Variants in SRRM1 observed in about 807,000 individuals in gnomAD.
SRRM1 encodes the protein serine and arginine repetitive matrix 1.
A neutral mutation model predicts 110.2 loss-of-function variants in SRRM1; 19 were observed. The observed-to-expected ratio is 0.17, with a 90% CI of 0.12 to 0.25. SRRM1 has a LOEUF of 0.25. SRRM1 is among the 10% of genes least tolerant of loss of function. SRRM1 has a pLI of 1.00. For missense variants in SRRM1, 918 were observed against 1,145.8 expected (o/e 0.80, Z 2.87); for synonymous variants, 443 against 414.9 (o/e 1.07, Z -0.82).
chr1:24,669,032 A>G, intron 13 of SRRM1, 91 bp from the exon 14 acceptor site: 1 of 1,013,962 alleles, frequency 9.9e-7, no homozygotes. Flanking sequence ...GCCTAGTGCT[A>G]ACTACAGTAT....
At chr1:24,661,499 A>G in intron 11 of SRRM1, 103 bp downstream of exon 11, 2 of 769,692 alleles carry the variant, frequency 2.6e-6, no homozygotes, top group Non-Finnish European at 4.0e-6. Flanking sequence ...ACTTGCCTAC[A>G]TAGAAATCTG....
At chr1:24,665,181 C>G (rs1414689884) in intron 12 of SRRM1, among the ~76,000 whole-genome samples, 1 of 152,012 alleles carries the variant, frequency 6.6e-6, no homozygotes, top group East Asian at 1.9e-4. Flanking sequence ...AATCTCAGCA[C>G]TTTGGGAGGC....
In SRRM1 at chr1:24,654,735, T is replaced by C. The variant is rs1663022121; in HGVS notation, c.1041-120T>C. On this transcript the variant is annotated intron_variant, in intron 8 of 16. Transcript: ENST00000323848. ...CATTCTTTTGGACTCATTTATGTGC[T>C]TAGCTACATAAACTCAAAAGTCGGA... 4.2e-6 allele frequency: 5 copies of C among 1,196,048 alleles called. No homozygotes were observed. In the East Asian group the frequency reaches 1.2e-4, roughly 28 times the overall value. 74.1% of individuals were successfully genotyped at this position (1,196,048 alleles called of 1,614,324 possible). A position where few individuals can be genotyped will look rare whatever the true frequency, so the allele number is the denominator to read the frequency against.
intron 5 of SRRM1, among the ~76,000 whole-genome samples, chr1:24,650,397 TCTGA>T (rs763852545): frequency 1.3e-5 from 2 of 152,260 alleles, no homozygotes; most frequent in Non-Finnish European, 2.9e-5. Flanking sequence ...AAAAATGTAC[TCTGA>T]CTCACTTTTT....
chr1:24,648,747 C>A (rs901210286), intron 3 of SRRM1, 112 bp from the exon 4 acceptor site: 7 of 863,962 alleles, frequency 8.1e-6, no homozygotes, highest in Non-Finnish European at 3.6e-6. Context: ...TATGTCTAAG[C>A]CCCTATGGTA....
At chr1:24,659,402 C>T (rs918104814) in intron 9 of SRRM1, among the ~76,000 whole-genome samples, 1 of 152,132 alleles carries the variant, frequency 6.6e-6, no homozygotes, top group Admixed American at 6.5e-5. Context: ...GTCAAACATT[C>T]CATGGCAATT....
At chr1:24,663,271 G>T (rs4649011) in intron 12 of SRRM1, 1,405,308 of 1,433,388 alleles carry the variant, frequency 0.98, 688,942 homozygotes, top group East Asian at 1. Context: ...GTCAAAAATT[G>T]TAGTGACTTA....
chr1:24,670,215 C>G lies in SRRM1; in HGVS notation c.2300C>G (p.Pro767Arg). 6.2e-7 allele frequency: 1 copy of G among 1,614,164 alleles called. No homozygotes were observed. Among genetic ancestry groups the G allele is most frequent in the Non-Finnish European group, 8.5e-7 (1 of 1,180,040 alleles). ...PEPAAKKPPA[P>R]PSPVQSQSPS... ...CCAGCAGCTAAAAAGCCCCCAGCAC[C>G]TCCATCCCCCGTCCAGTCTCAGTCA... Residue 767 changes from proline (P) to arginine (R), a missense_variant, in exon 15 of 17, where the codon CCT becomes CGT. Physicochemically the swap from Pro to Arg is moderately radical, Grantham distance 103. This residue lies in a region of SRRM1 where 357 missense variants were observed against 402.9 expected (regional missense o/e 0.89). Coordinates refer to ENST00000323848, the MANE Select transcript of SRRM1 (RefSeq NM_005839.4).
intron 11 of SRRM1, among the ~76,000 whole-genome samples, 174 bp downstream of exon 11, chr1:24,661,570 C>G (rs1046906090): frequency 6.6e-6 from 1 of 152,088 alleles, no homozygotes; most frequent in East Asian, 1.9e-4. Context: ...ATTTAATTTT[C>G]TGTTACATTG....
intron 6 of SRRM1, among the ~76,000 whole-genome samples, chr1:24,652,033 T>A (rs1376303069): frequency 1.6e-3 from 161 of 98,954 alleles, no homozygotes; most frequent in African/African-American, 9.1e-3. Context: ...ACTAAAAATA[T>A]ATATATATAT....
chr1:24,665,376 C>T (rs984710986), intron 12 of SRRM1, among the ~76,000 whole-genome samples: 1 of 151,412 alleles, frequency 6.6e-6, no homozygotes, highest in African/African-American at 2.4e-5. Context: ...TTGCAGTGAG[C>T]CGATATCGTG....
At position 24,646,785 on chromosome 1, in the gene SRRM1, T is replaced by C. The variant is rs1657903480; in HGVS notation, c.230T>C (p.Val77Ala). 1 of 1,592,478 alleles carries C rather than the reference T, an allele frequency of 6.3e-7. No homozygotes were observed. The highest frequency in any genetic ancestry group is 8.5e-7 in the Non-Finnish European group (1 of 1,173,176). Residue 77 changes from valine (V) to alanine (A), a missense_variant, in exon 3 of 17, where the codon GTG (valine) becomes GCG (alanine). Coordinates refer to ENST00000323848, the MANE Select transcript of SRRM1 (RefSeq NM_005839.4). Reference protein sequence around the residue: ...VIEFIFNQLEVKNPDSKMMQI... With the variant: ...VIEFIFNQLEAKNPDSKMMQI... ...GAGTTTATATTCAACCAGCTGGAAG[T>C]GAAGGTACTAATATACAAATGGCTC...
intron 12 of SRRM1, among the ~76,000 whole-genome samples, chr1:24,664,909 A>G (rs1264114293): frequency 1.4e-5 from 2 of 138,216 alleles, no homozygotes; most frequent in African/African-American, 2.8e-5. Context: ...TTATGGCACT[A>G]CTTTCTGTTC....
Position 24,672,406 on chromosome 1 carries a change from G to A in SRRM1, c.*120G>A. ...TTGTTGTAATAATTGCTAGGTTGAA[G>A]TTCAACATGTAAAAAAAGGGGGCAT... On this transcript the variant is annotated 3_prime_UTR_variant, in exon 17 of 17. Coordinates refer to ENST00000323848, the MANE Select transcript of SRRM1 (RefSeq NM_005839.4). The A allele has an allele frequency of 1.6e-6, 1 of 643,936 alleles. No individual in the cohort carries two copies. The allele number at this position is 643,936 out of a possible 1,614,324, so 39.9% of individuals were successfully genotyped here. A position where few individuals can be genotyped will look rare whatever the true frequency, so the allele number is the denominator to read the frequency against.
chr1:24,651,239 G>T (rs895006742), intron 5 of SRRM1, among the ~76,000 whole-genome samples, 170 bp from the exon 6 acceptor site: 9 of 152,074 alleles, frequency 5.9e-5, no homozygotes, highest in African/African-American at 2.2e-4. Context: ...TCATTTGCTT[G>T]TCTTTCTCTT....
Position 24,649,975 on chromosome 1 carries a change from A to G in SRRM1, c.410A>G (p.Glu137Gly), listed in dbSNP as rs747149325. Residue 137 changes from glutamate (E) to glycine (G), a missense_variant, in exon 5 of 17, where the codon GAA becomes GGA. Around this residue, in one of 5 missense-constraint regions of SRRM1, gnomAD observed 456 missense variants for 453.5 expected, o/e 1.01. Transcript: ENST00000323848. ...KKEEIKQRQI[E>G]QEKLASMKKQ... The stretch of plus-strand genomic sequence containing the variant: ...TTGAAAACCTGGTCTTTGCAGATTG[A>G]ACAAGAAAAACTGGCATCTATGAAA... 2 of 1,578,592 alleles carry G rather than the reference A, an allele frequency of 1.3e-6. No individual in the cohort carries two copies. The highest frequency in any genetic ancestry group is 1.4e-5 in the African/African-American group (1 of 73,214).
At chr1:24,658,449 T>C (rs1205346873) in intron 9 of SRRM1, among the ~76,000 whole-genome samples, 1 of 152,238 alleles carries the variant, frequency 6.6e-6, no homozygotes, top group African/African-American at 2.4e-5. Flanking sequence ...CAACTCCAGA[T>C]GTGTATTTCC....
chr1:24,652,034 A>ATATG (rs1229496097), intron 6 of SRRM1, among the ~76,000 whole-genome samples: 1 of 101,544 alleles, frequency 9.8e-6, no homozygotes, highest in Non-Finnish European at 1.8e-5. Context: ...CTAAAAATAT[A>ATATG]TATATATATA....
intron 8 of SRRM1, 56 bp downstream of exon 8, chr1:24,653,088 C>A: frequency 1.3e-6 from 2 of 1,538,100 alleles, no homozygotes; most frequent in Non-Finnish European, 1.8e-6. Context: ...GATAATCTTT[C>A]TTTTAGGATA....
Sources: gnomAD v4.1 joint callset for allele counts (sites outside exome capture counted in the v4.1 genomes callset) on GRCh38, gnomAD v4.1.1 for gene constraint, gnomAD v4.1.1 regional missense constraint, MANE v1.5 for transcripts, NCBI Gene and HGNC (gene_info 2026-07-23, HGNC 2026-07-21) for gene names.